Variants in CATSPERE observed in about 807,000 individuals in gnomAD.
CATSPERE encodes catsper channel auxiliary subunit epsilon.
A neutral mutation model predicts 114.1 loss-of-function variants in CATSPERE; 93 were observed. That is an observed-to-expected ratio of 0.81 (90% confidence interval 0.69 to 0.97). CATSPERE has a LOEUF of 0.97. CATSPERE is among the 50% of genes least tolerant of loss of function. The probability of loss-of-function intolerance (pLI) is 0.00; values close to 1 mark genes in which losing one functional copy is unlikely to be tolerated. For missense variants in CATSPERE, 1,058 were observed against 1,131.6 expected (o/e 0.93, Z 0.93); for synonymous variants, 341 against 384.1 (o/e 0.89, Z 1.31).
chr1:244,582,978 A>C (rs1046382945), intron 12 of CATSPERE, among the ~76,000 whole-genome samples: 1 of 40,166 alleles, frequency 2.5e-5, no homozygotes, highest in Non-Finnish European at 6.1e-5. Context: ...TATATATATA[A>C]ATCAGTGACA....
At chr1:244,494,601 A>AT (rs1558369000) in intron 6 of CATSPERE, among the ~76,000 whole-genome samples, 1 of 151,004 alleles carries the variant, frequency 6.6e-6, no homozygotes, top group Non-Finnish European at 1.5e-5. Flanking sequence ...TTAAAGTATA[A>AT]TAAAAAAAAA....
At chr1:244,462,752 C>G (rs35821639) in intron 1 of CATSPERE, among the ~76,000 whole-genome samples, 20,058 of 151,972 alleles carry the variant, frequency 0.13, 1,595 homozygotes, top group Middle Eastern at 0.19. Context: ...ATAAAGGTGA[C>G]TGATTTCCGT....
At chr1:244,461,737 C>T (rs1325767669) in intron 1 of CATSPERE, among the ~76,000 whole-genome samples, 2 of 152,152 alleles carry the variant, frequency 1.3e-5, no homozygotes, top group Non-Finnish European at 2.9e-5. Flanking sequence ...GCAGTAAGGT[C>T]GCAGTACCTT....
In CATSPERE at chr1:244,528,787, A is replaced by ACGCACGCG. The variant is rs57165279; in HGVS notation, c.536+10090_536+10091insGCACGCGC. On this transcript the variant is annotated intron_variant, in intron 8 of 21. Coordinates refer to ENST00000366534, the MANE Select transcript of CATSPERE (RefSeq NM_001130957.2). ...CTCTCCCCCACAACAATCCCCCACC[A>ACGCACGCG]CACACACACACACACACACACACAC... is the stretch of plus-strand genomic sequence containing the variant. 8.8e-3 allele frequency among the ~76,000 whole-genome samples: 1,143 copies of ACGCACGCG among 129,876 alleles called. 16 individuals carry two copies. Among genetic ancestry groups the ACGCACGCG allele is most frequent in the African/African-American group, 0.03 (1,065 of 35,128 alleles). The allele number at this position is 129,876 out of a possible 152,430, so 85.2% of individuals were successfully genotyped here. A position where few individuals can be genotyped will look rare whatever the true frequency, so the allele number is the denominator to read the frequency against.
chr1:244,489,099 T>A (rs1671532337), intron 5 of CATSPERE, among the ~76,000 whole-genome samples: 1 of 152,156 alleles, frequency 6.6e-6, no homozygotes, highest in Non-Finnish European at 1.5e-5. Flanking sequence ...AACATACAAC[T>A]AAACATACAA....
At position 244,595,728 on chromosome 1, in the gene CATSPERE, A is replaced by G. The variant is rs369565218; in HGVS notation, c.2303+2150A>G. On this transcript the variant is annotated intron_variant, in intron 17 of 21. Coordinates refer to ENST00000366534, the MANE Select transcript of CATSPERE (RefSeq NM_001130957.2). ...GGGCGGATCACGAGGTCAGGAGATCAAGACCATCCTGGCTAACACAGTGAA... is the reference window on the plus strand; with the variant it reads ...GGGCGGATCACGAGGTCAGGAGATCGAGACCATCCTGGCTAACACAGTGAA... Among the ~76,000 whole-genome samples, 42 of 152,216 alleles carry G rather than the reference A, an allele frequency of 2.8e-4. 1 individual carries two copies. Among genetic ancestry groups the G allele is most frequent in the Middle Eastern group, 3.4e-3 (1 of 294 alleles).
upstream of CATSPERE, chr1:244,452,017 T>A: frequency 4.4e-6 from 2 of 455,752 alleles, no homozygotes. Context: ...GTACCATGAC[T>A]GCCCCGCGCA....
intron 1 of CATSPERE, among the ~76,000 whole-genome samples, chr1:244,455,237 A>T (rs1232134006): frequency 6.6e-6 from 1 of 151,978 alleles, no homozygotes; most frequent in Non-Finnish European, 1.5e-5. Flanking sequence ...TAACTTTGCC[A>T]TTTATTGAGG....
chr1:244,518,851 C>T (rs9943224), intron 8 of CATSPERE, among the ~76,000 whole-genome samples, 153 bp downstream of exon 8: 18,498 of 152,086 alleles, frequency 0.12, 1,892 homozygotes, highest in African/African-American at 0.28. Flanking sequence ...GAACTAATTA[C>T]TAACTTAGAA....
intron 14 of CATSPERE, among the ~76,000 whole-genome samples, chr1:244,590,455 A>G (rs143799542): frequency 3.9e-4 from 60 of 152,306 alleles, no homozygotes; most frequent in African/African-American, 1.4e-3. Flanking sequence ...CATAATATAA[A>G]TTTACCATTC....
At chr1:244,491,759 G>T (rs1672213475) in intron 6 of CATSPERE, among the ~76,000 whole-genome samples, 1 of 151,986 alleles carries the variant, frequency 6.6e-6, no homozygotes, top group Non-Finnish European at 1.5e-5. Flanking sequence ...TGATAAAGGG[G>T]ATATCACCAC....
At chr1:244,587,824 T>C (rs1047742764) in intron 13 of CATSPERE, among the ~76,000 whole-genome samples, 4 of 152,190 alleles carry the variant, frequency 2.6e-5, no homozygotes, top group African/African-American at 9.7e-5. Context: ...GGACAGATTA[T>C]AGAAACCTGC....
At chr1:244,583,277 T>C (rs1666510956) in intron 12 of CATSPERE, among the ~76,000 whole-genome samples, 1 of 152,196 alleles carries the variant, frequency 6.6e-6, no homozygotes, top group African/African-American at 2.4e-5. Flanking sequence ...TTTTCTTCTA[T>C]TATTTTTTAG....
intron 20 of CATSPERE, among the ~76,000 whole-genome samples, chr1:244,630,876 CT>C (rs1050333209): frequency 6.6e-6 from 1 of 152,042 alleles, no homozygotes; most frequent in African/African-American, 2.4e-5. Flanking sequence ...TGCATCTCAA[CT>C]TCATTTAATG....
chr1:244,581,877 C>G (rs1553370650), intron 12 of CATSPERE, 23 bp downstream of exon 12: 2 of 1,106,898 alleles, frequency 1.8e-6, no homozygotes, highest in Non-Finnish European at 2.6e-6. Context: ...TTTAAAAGAA[C>G]TTTCTCAGTA....
chr1:244,528,200 T>C (rs1027267590), intron 8 of CATSPERE, among the ~76,000 whole-genome samples: 5 of 152,208 alleles, frequency 3.3e-5, no homozygotes, highest in East Asian at 1.9e-4. Context: ...CTCCCAATTA[T>C]AAGTGAGAAC....
chr1:244,623,316 G>A (rs893810899), intron 20 of CATSPERE, among the ~76,000 whole-genome samples: 1 of 152,154 alleles, frequency 6.6e-6, no homozygotes, highest in Non-Finnish European at 1.5e-5. Context: ...GACCTCAGGT[G>A]ATCTGCCCAC....
chr1:244,490,696 G>C (rs781046701), intron 6 of CATSPERE, among the ~76,000 whole-genome samples: 1 of 151,640 alleles, frequency 6.6e-6, no homozygotes, highest in African/African-American at 2.4e-5. Flanking sequence ...TACTTCTACC[G>C]AGATAATATT....
At chr1:244,498,057 A>T (rs1673403685) in intron 6 of CATSPERE, among the ~76,000 whole-genome samples, 1 of 152,200 alleles carries the variant, frequency 6.6e-6, no homozygotes, top group African/African-American at 2.4e-5. Context: ...CAATATGCTC[A>T]AAGTTGTACA....
Sources: gnomAD v4.1 joint callset for allele counts (sites outside exome capture counted in the v4.1 genomes callset) on GRCh38, gnomAD v4.1.1 for gene constraint, MANE v1.5 for transcripts, NCBI Gene and HGNC (gene_info 2026-07-23, HGNC 2026-07-21) for gene names.